The following BEND4 variants were observed in gnomAD, a reference collection of about 807,000 sequenced individuals.
BEND4 encodes BEN domain-containing protein 4.
In BEND4, 27 loss-of-function variants were observed where a neutral mutation model predicts 54.7. The ratio of observed to expected loss-of-function variants is 0.49; its 90% CI spans 0.36 to 0.68. BEND4 has a LOEUF of 0.68. BEND4 is among the 30% of genes least tolerant of loss of function. The pLI is 0.00. For missense variants in BEND4, 702 were observed against 697.2 expected, an observed-to-expected ratio of 1.01 and a Z score of -0.08; for synonymous variants, 327 against 299.5, an observed-to-expected ratio of 1.09 and a Z score of -0.95.
intron 3 of BEND4, among the ~76,000 whole-genome samples, chr4:42,138,769 G>A (rs941585618): frequency 2.6e-5 from 4 of 152,150 alleles, no homozygotes; most frequent in East Asian, 3.9e-4. Context: ...AAATTTCAAG[G>A]TATTTTTAAT....
At chr4:42,134,465 T>C (rs1377330357) in intron 3 of BEND4, among the ~76,000 whole-genome samples, 3 of 152,218 alleles carry the variant, frequency 2.0e-5, no homozygotes, top group Non-Finnish European at 2.9e-5. Context: ...CATTGTTATA[T>C]TTTTGTTCAT....
intron 5 of BEND4, among the ~76,000 whole-genome samples, chr4:42,118,973 G>A (rs1257826459): frequency 1.3e-5 from 2 of 152,200 alleles, no homozygotes; most frequent in South Asian, 2.1e-4. Flanking sequence ...TTCCTGAATC[G>A]TGGGCCATGT....
Position 42,152,380 on chromosome 4 carries a change from G to A in BEND4, c.-233-4C>T, listed in dbSNP as rs948366112. 3.3e-6 allele frequency: 1 copy of A among 301,202 alleles called. No homozygotes were observed. The highest frequency in any genetic ancestry group is 6.1e-6 in the Non-Finnish European group (1 of 163,758). 18.7% of individuals were successfully genotyped at this position (301,202 alleles called of 1,614,324 possible). On this transcript the variant is annotated splice_polypyrimidine_tract_variant and splice_region_variant and intron_variant, in intron 1 of 5. Transcript: ENST00000502486. ...TGACAGGCTGCCTCGCCAATGCCTG[G>A]AGGGAGAAAGGAGGTAAAGAGCAAG...
chr4:42,142,029 G>A (rs1349783922), intron 3 of BEND4, among the ~76,000 whole-genome samples: 10 of 151,256 alleles, frequency 6.6e-5, no homozygotes, highest in South Asian at 2.1e-4. Context: ...TCAGCCTCCC[G>A]AGTAGCTGGG....
At chr4:42,147,600 A>T (rs1378875462) in intron 2 of BEND4, among the ~76,000 whole-genome samples, 1 of 151,800 alleles carries the variant, frequency 6.6e-6, no homozygotes, top group Non-Finnish European at 1.5e-5. Flanking sequence ...AAAATTAAAC[A>T]CCATAAAATG....
At position 42,120,166 on chromosome 4, in the gene BEND4, G is replaced by A. The variant is rs200902369; in HGVS notation, c.1275C>T (p.Thr425=). The A allele has an allele frequency of 1.9e-6, 3 of 1,613,936 alleles. No homozygotes were observed. Among genetic ancestry groups the A allele is most frequent in the East Asian group, 2.2e-5 (1 of 44,878 alleles). The change falls in exon 5 of 6, where the codon ACC becomes ACT. Residue 425 remains threonine (T), a synonymous_variant. Coordinates refer to ENST00000502486, the MANE Select transcript of BEND4 (RefSeq NM_207406.4). Reference sequence around the variant, plus strand: ...GGCCGCATGAGTACTTAAGCTCATCGGTTGTGAAAACAAATCTGATGAGGT... The same window carrying A: ...GGCCGCATGAGTACTTAAGCTCATCAGTTGTGAAAACAAATCTGATGAGGT... The part of the protein sequence containing the change: ...LRYLIRFVFT[T]DELKYSCGLG...
intron 3 of BEND4, among the ~76,000 whole-genome samples, chr4:42,125,929 T>C (rs1474619975): frequency 2.0e-5 from 3 of 152,130 alleles, no homozygotes; most frequent in East Asian, 3.9e-4. Context: ...TTTGCAGAGA[T>C]AGGGTCTTGC....
intron 3 of BEND4, among the ~76,000 whole-genome samples, chr4:42,139,150 G>C (rs1479914726): frequency 1.3e-5 from 2 of 152,102 alleles, no homozygotes; most frequent in African/African-American, 4.8e-5. Flanking sequence ...AAAGTCTTCT[G>C]CTTTTGTGGT....
rs1242611534 is a variant in BEND4, at chr4:42,111,374, G to C, written c.*6144C>G. The C allele has an allele frequency of 6.6e-6, 1 of 152,224 alleles. No individual in the cohort carries two copies. Among genetic ancestry groups the C allele is most frequent in the Admixed American group, 6.5e-5 (1 of 15,290 alleles). The allele number at this position is 152,224 out of a possible 1,614,324, so 9.4% of individuals were successfully genotyped here. On this transcript the variant is annotated 3_prime_UTR_variant, in exon 6 of 6. Transcript: ENST00000502486. ...CCACAAGTATTCATCATAGAAAATA[G>C]AGTAAAGGCAACTCGGCCCCGGTGT...
chr4:42,125,629 T>C lies in BEND4; in HGVS notation c.1100A>G (p.His367Arg). The C allele has an allele frequency of 1.2e-6, 2 of 1,613,740 alleles. No individual in the cohort carries two copies. The highest frequency in any genetic ancestry group is 1.7e-6 in the Non-Finnish European group (2 of 1,179,782). ...CTGTGGTATCAGGAGTTGGTTGTGG[T>C]GCTGCAGAACCATCTTCAAGTAATC... Reference protein sequence around the residue: ...VLDYLKMVLQHHNQLLIPQPA... With the variant: ...VLDYLKMVLQRHNQLLIPQPA... Residue 367 changes from histidine (H) to arginine (R), a missense_variant, in exon 4 of 6, where the codon CAC becomes CGC. His to Arg is a conservative substitution (Grantham distance 29). Transcript: ENST00000502486.
chr4:42,117,456 C>T lies in BEND4; in HGVS notation c.*62G>A. 8.4e-7 allele frequency: 1 copy of T among 1,190,530 alleles called. No individual in the cohort carries two copies. The allele number at this position is 1,190,530 out of a possible 1,614,324, so 73.7% of individuals were successfully genotyped here. A position where few individuals can be genotyped will look rare whatever the true frequency, so the allele number is the denominator to read the frequency against. On this transcript the variant is annotated 3_prime_UTR_variant, in exon 6 of 6. Transcript: ENST00000502486. ...GCTTTGGACTCTCAGGTGACAGGAA[C>T]AGGACATTCACAATTGGAACTCTTG...
At chr4:42,118,423 G>A (rs903478843) in intron 5 of BEND4, among the ~76,000 whole-genome samples, 7 of 152,138 alleles carry the variant, frequency 4.6e-5, no homozygotes, top group Non-Finnish European at 1.0e-4. Context: ...ACCATATCTT[G>A]CCTACGTATT....
intron 2 of BEND4, among the ~76,000 whole-genome samples, chr4:42,146,569 T>C (rs990163933): frequency 6.6e-6 from 1 of 150,628 alleles, no homozygotes; most frequent in African/African-American, 2.5e-5. Context: ...AAGTAAGAGG[T>C]TTAAGATGCT....
Position 42,143,447 on chromosome 4 carries a change from C to T in BEND4, c.1035G>A (p.Arg345=). 1 of 1,551,978 alleles carries T rather than the reference C, an allele frequency of 6.4e-7. No homozygotes were observed. Among genetic ancestry groups the T allele is most frequent in the Non-Finnish European group, 8.7e-7 (1 of 1,147,046 alleles). Residue 345 remains arginine, a synonymous_variant, in exon 3 of 6, where the codon AGG becomes AGA. Coordinates refer to ENST00000502486, the MANE Select transcript of BEND4 (RefSeq NM_207406.4). ...GGATACCTGGGATGCTCTCTAATTT[C>T]CTTCTGAGCTCTTCATTTTCTTGTT... is the stretch of plus-strand genomic sequence containing the variant. ...SLQQENEELR[R]KLESIPVPCQ...
chr4:42,130,417 T>C (rs907568472), intron 3 of BEND4, among the ~76,000 whole-genome samples: 9 of 148,694 alleles, frequency 6.1e-5, no homozygotes. Flanking sequence ...GAGGCGGAGC[T>C]TGCAGTGAGC....
At chr4:42,119,909 T>G (rs1719992521) in intron 5 of BEND4, 145 bp downstream of exon 5, 1 of 1,005,098 alleles carries the variant, frequency 9.9e-7, no homozygotes. Context: ...TTCTCAAGAC[T>G]GAGTAGATGG....
chr4:42,152,225 C>A lies in BEND4; in HGVS notation c.-82G>T, dbSNP rs1291355174. On this transcript the variant is annotated 5_prime_UTR_variant, in exon 2 of 6. Coordinates refer to ENST00000502486, the MANE Select transcript of BEND4 (RefSeq NM_207406.4). ...TCCGAGGGTGCCTCCGCCGCCTGCC[C>A]GCCGGGTCTGCCCTGGTGCGCGCGT... is the stretch of plus-strand genomic sequence containing the variant. 6 of 1,208,696 alleles carry A rather than the reference C, an allele frequency of 5.0e-6. No individual in the cohort carries two copies. The East Asian group carries it at 1.6e-4, about 33-fold the overall frequency. The allele number at this position is 1,208,696 out of a possible 1,614,324, so 74.9% of individuals were successfully genotyped here. A position where few individuals can be genotyped will look rare whatever the true frequency, so the allele number is the denominator to read the frequency against.
intron 3 of BEND4, among the ~76,000 whole-genome samples, chr4:42,131,484 AGTT>A (rs1477435618): frequency 1.3e-5 from 2 of 152,196 alleles, no homozygotes; most frequent in Non-Finnish European, 2.9e-5. Flanking sequence ...CTAATTTAAA[AGTT>A]GTTTGAAAAA....
At chr4:42,127,040 A>C (rs909747408) in intron 3 of BEND4, among the ~76,000 whole-genome samples, 1 of 152,222 alleles carries the variant, frequency 6.6e-6, no homozygotes, top group Non-Finnish European at 1.5e-5. Flanking sequence ...TTAAAGTATC[A>C]CCACCAAGCT....
Sources: allele counts gnomAD v4.1 joint callset (sites outside exome capture counted in the v4.1 genomes callset), GRCh38; gene constraint gnomAD v4.1.1; transcripts MANE v1.5; gene names NCBI Gene and HGNC (gene_info 2026-07-23, HGNC 2026-07-21).